PLCG2: variants seen among roughly 807,000 people sequenced by gnomAD.
PLCG2 encodes the protein 1-phosphatidylinositol 4,5-bisphosphate phosphodiesterase gamma-2.
A neutral mutation model predicts 175.6 loss-of-function variants in PLCG2; 69 were observed. That is an observed-to-expected ratio of 0.39 (90% CI 0.32 to 0.48). PLCG2 has a LOEUF of 0.48. PLCG2 is among the 20% of genes least tolerant of loss of function. PLCG2 has a pLI of 0.91. For missense variants in PLCG2, 1,798 were observed against 1,650.9 expected (o/e 1.09, Z -1.54); for synonymous variants, 827 against 624.0 (o/e 1.33, Z -4.85).
intron 31 of PLCG2, among the ~76,000 whole-genome samples, chr16:81,947,072 G>A (rs1276405511): frequency 6.6e-6 from 1 of 152,144 alleles, no homozygotes; most frequent in Non-Finnish European, 1.5e-5. Context: ...TTTAGATTGT[G>A]GTAGGGCAGC....
intron 10 of PLCG2, among the ~76,000 whole-genome samples, chr16:81,890,658 A>T (rs564301286): frequency 6.6e-6 from 1 of 152,226 alleles, no homozygotes; most frequent in East Asian, 1.9e-4. Context: ...ATAGGGAAGG[A>T]GGGGAGGTGG....
chr16:81,953,649 G>C (rs1911454637), intron 31 of PLCG2, among the ~76,000 whole-genome samples: 2 of 152,154 alleles, frequency 1.3e-5, no homozygotes, highest in Admixed American at 6.5e-5. Flanking sequence ...CAGGAAATAA[G>C]TATCACAAAA....
upstream of PLCG2, among the ~76,000 whole-genome samples, chr16:81,778,489 A>G (rs1328769948): frequency 6.6e-6 from 1 of 152,262 alleles, no homozygotes. Context: ...CAAAGAGCAT[A>G]GGAAGGGTTT....
chr16:81,868,960 C>G (rs569664716), intron 5 of PLCG2, among the ~76,000 whole-genome samples: 1 of 152,338 alleles, frequency 6.6e-6, no homozygotes, highest in East Asian at 1.9e-4. Context: ...GAGACCAGCC[C>G]TCCTTATTGG....
At position 81,861,582 on chromosome 16, in the gene PLCG2, C is replaced by T. The variant is rs530613784; in HGVS notation, c.479+2419C>T. Reference sequence around the variant, plus strand: ...GCTCCGCCACGCTGGGCCACCCTCTCGTGTTACTGAGGTGGATCAAATGAG... The same window carrying T: ...GCTCCGCCACGCTGGGCCACCCTCTTGTGTTACTGAGGTGGATCAAATGAG... On this transcript the variant is annotated intron_variant, in intron 5 of 32. Transcript: ENST00000564138. 5.3e-5 allele frequency among the ~76,000 whole-genome samples: 8 copies of T among 152,328 alleles called. No individual in the cohort carries two copies. The South Asian group carries it at 6.2e-4, about 12-fold the overall frequency.
At position 81,873,221 on chromosome 16, in the gene PLCG2, C is replaced by G. The variant is rs143269352; in HGVS notation, c.648+2286C>G. On this transcript the variant is annotated intron_variant, in intron 7 of 32. Coordinates refer to ENST00000564138, the MANE Select transcript of PLCG2 (RefSeq NM_002661.5). ...AAGCCATCTCTGTCCTCTCACTTAG[C>G]CTTTTCTATAAAATGAAGGTATTAA... is the stretch of plus-strand genomic sequence containing the variant. Among the ~76,000 whole-genome samples, 1,296 of 152,220 alleles carry G rather than the reference C, an allele frequency of 8.5e-3. 10 individuals are homozygous for G. Among genetic ancestry groups the G allele is most frequent in the Middle Eastern group, 0.041 (12 of 294 alleles).
chr16:81,842,489 C>A (rs757856394), intron 2 of PLCG2, among the ~76,000 whole-genome samples: 150 of 152,310 alleles, frequency 9.8e-4, no homozygotes, highest in Non-Finnish European at 1.6e-3. Context: ...GACTGAATAA[C>A]TGAAAGTCGG....
chr16:81,908,304 G>C (rs531077840), intron 16 of PLCG2, 112 bp from the exon 17 acceptor site: 3 of 955,824 alleles, frequency 3.1e-6, no homozygotes, highest in Non-Finnish European at 4.8e-6. Context: ...GCTGAGGCTG[G>C]CCTCTCTATG....
rs1289703681 is a variant in PLCG2, at chr16:81,900,907, A to G, written c.1362+127A>G. 3.2e-5 allele frequency: 24 copies of G among 761,130 alleles called. 1 individual carries two copies. The South Asian group carries it at 3.4e-4, about 11-fold the overall frequency. The allele number at this position is 761,130 out of a possible 1,614,324, so 47.1% of individuals were successfully genotyped here. ...CTCCAGGTCCCACTGCACAGGCTCA[A>G]ATCTGCTCTCCTTACTAACACTGTG... On this transcript the variant is annotated intron_variant, in intron 14 of 32. Coordinates refer to ENST00000564138, the MANE Select transcript of PLCG2 (RefSeq NM_002661.5).
upstream of PLCG2, among the ~76,000 whole-genome samples, chr16:81,777,132 C>T (rs1309609776): frequency 6.6e-6 from 1 of 151,816 alleles, no homozygotes; most frequent in Non-Finnish European, 1.5e-5. Flanking sequence ...ACAGAGAAAC[C>T]TGTTCTTCAT....
At chr16:81,776,763 C>T (rs1411513443), upstream of PLCG2, among the ~76,000 whole-genome samples, 1 of 152,078 alleles carries the variant, frequency 6.6e-6, no homozygotes, top group African/African-American at 2.4e-5. Context: ...CCATGTTGGC[C>T]AGGATAGTCG....
chr16:81,948,719 A>AT (rs1911250168), intron 31 of PLCG2, among the ~76,000 whole-genome samples: 1 of 152,190 alleles, frequency 6.6e-6, no homozygotes, highest in Admixed American at 6.5e-5. Context: ...GGCCCTCCTT[A>AT]TGCCTCATCA....
intron 30 of PLCG2, among the ~76,000 whole-genome samples, chr16:81,940,698 GC>G (rs1910904176): frequency 6.7e-6 from 1 of 148,500 alleles, no homozygotes; most frequent in South Asian, 2.1e-4. Flanking sequence ...AGATGACTGA[GC>G]CCTTCCTACA....
chr16:81,880,174 G>A (rs1317766625), intron 7 of PLCG2, among the ~76,000 whole-genome samples: 3 of 152,224 alleles, frequency 2.0e-5, no homozygotes, highest in Non-Finnish European at 4.4e-5. Context: ...TCAGGAGAGT[G>A]AGGCTGTGGT....
At chr16:81,760,404 C>T (rs1268189708) in intron 2 of PLCG2, among the ~76,000 whole-genome samples, 5 of 152,146 alleles carry the variant, frequency 3.3e-5, no homozygotes, top group Non-Finnish European at 7.4e-5. Context: ...CTGACACCTG[C>T]TTCTCTTGTT....
intron 2 of PLCG2, among the ~76,000 whole-genome samples, chr16:81,814,634 G>A (rs1904458262): frequency 6.6e-6 from 1 of 152,100 alleles, no homozygotes; most frequent in South Asian, 2.1e-4. Flanking sequence ...GGTGGAGGTT[G>A]CAGTGAACCA....
rs368530152 is a variant in PLCG2 at position 81,927,158 on chromosome 16, T to C, written c.2494T>C (p.Phe832Leu). ...CGTCGAGGACATCTCAACTGCAGAC[T>C]TCGAGGAGCTAGAAAAGCAGGTGAG... is the stretch of plus-strand genomic sequence containing the variant. ...NYVEDISTAD[F>L]EELEKQIIED... The change falls in exon 23 of 33, where the codon TTC becomes CTC. Residue 832 changes from phenylalanine to leucine, a missense_variant. By Grantham distance (22) the Phe-to-Leu change is conservative. Transcript: ENST00000564138. 35 of 1,612,200 alleles carry C rather than the reference T, an allele frequency of 2.2e-5. No individual in the cohort carries two copies. Among genetic ancestry groups the C allele is most frequent in the Non-Finnish European group, 2.7e-5 (32 of 1,178,380 alleles).
intron 5 of PLCG2, among the ~76,000 whole-genome samples, chr16:81,866,395 G>A (rs375539050): frequency 1.1e-4 from 11 of 98,556 alleles, no homozygotes; most frequent in Admixed American, 2.1e-4. Flanking sequence ...ATGAGAGGAC[G>A]CTGGCCTCTC....
intron 2 of PLCG2, among the ~76,000 whole-genome samples, chr16:81,811,911 T>C (rs935568395): frequency 2.0e-5 from 3 of 152,164 alleles, no homozygotes; most frequent in African/African-American, 7.2e-5. Flanking sequence ...GATCAAATGG[T>C]ATTTCTGGTG....
Sources: allele counts gnomAD v4.1 joint callset (sites outside exome capture counted in the v4.1 genomes callset), GRCh38; gene constraint gnomAD v4.1.1; transcripts MANE v1.5; gene names NCBI Gene and HGNC (gene_info 2026-07-23, HGNC 2026-07-21).